LSAMP: variants seen among roughly 807,000 people sequenced by gnomAD.
LSAMP encodes the protein limbic system associated membrane protein.
Under a neutral mutation model 38.6 loss-of-function variants are expected in LSAMP, and 7 were observed. The ratio of observed to expected loss-of-function variants is 0.18; its 90% CI spans 0.10 to 0.34. The LOEUF is 0.34. LSAMP is among the 10% of genes least tolerant of loss of function. LSAMP has a pLI of 1.00. For synonymous variants in LSAMP, 154 were observed against 166.8 expected (o/e 0.92, Z 0.59); for missense variants, 313 against 420.0 (o/e 0.75, Z 2.23).
In LSAMP at chr3:116,113,415, TA is replaced by T. The variant is rs1559747944; in HGVS notation, c.156-26860del. On this transcript the variant is annotated intron_variant, in intron 1 of 6. Coordinates refer to ENST00000490035, the MANE Select transcript of LSAMP (RefSeq NM_002338.5). ...TATGTTTGCCCTATATATATATATA[TA>T]TATATTTTTTTTTTTTTTTTTTTTT... Among the ~76,000 whole-genome samples, 5 of 68,114 alleles carry T rather than the reference TA, an allele frequency of 7.3e-5. 1 individual carries two copies. The highest frequency in any genetic ancestry group is 3.2e-4 in the African/African-American group (5 of 15,562). The allele number at this position is 68,114 out of a possible 152,430, so 44.7% of individuals were successfully genotyped here.
intron 1 of LSAMP, among the ~76,000 whole-genome samples, chr3:116,190,697 C>G (rs1289232561): frequency 6.6e-6 from 1 of 152,160 alleles, no homozygotes; most frequent in Non-Finnish European, 1.5e-5. Context: ...GGGATCATAA[C>G]ATTTTGTTAA....
At chr3:116,378,517 A>T (rs1464456973) in intron 1 of LSAMP, among the ~76,000 whole-genome samples, 1 of 152,078 alleles carries the variant, frequency 6.6e-6, no homozygotes, top group African/African-American at 2.4e-5. Flanking sequence ...ACATTTTAGA[A>T]GTCATAAAGA....
intron 2 of LSAMP, among the ~76,000 whole-genome samples, chr3:116,085,962 G>A (rs1707979940): frequency 6.6e-6 from 1 of 152,186 alleles, no homozygotes; most frequent in African/African-American, 2.4e-5. Context: ...ACTCAGCAAA[G>A]CATCTGGTAC....
At chr3:115,900,834 A>G (rs570021091) in intron 3 of LSAMP, among the ~76,000 whole-genome samples, 151 of 152,338 alleles carry the variant, frequency 9.9e-4, no homozygotes, top group African/African-American at 3.5e-3. Flanking sequence ...TGGATTCTGC[A>G]TCAGGATGAA....
chr3:116,351,735 T>C (rs2048143211), intron 1 of LSAMP, among the ~76,000 whole-genome samples: 1 of 152,094 alleles, frequency 6.6e-6, no homozygotes, highest in Admixed American at 6.6e-5. Flanking sequence ...TGAAAGATTC[T>C]TTTGCTATCC....
At chr3:115,952,408 G>A (rs1167537495) in intron 3 of LSAMP, among the ~76,000 whole-genome samples, 2 of 152,182 alleles carry the variant, frequency 1.3e-5, no homozygotes, top group African/African-American at 2.4e-5. Context: ...TGAAATAATG[G>A]CATTTGTGGC....
At chr3:116,333,182 C>G (rs11924628) in intron 1 of LSAMP, among the ~76,000 whole-genome samples, 5,485 of 152,096 alleles carry the variant, frequency 0.036, 342 homozygotes, top group African/African-American at 0.12. Context: ...ATATATTCTT[C>G]TCAAGTACCC....
At chr3:116,424,848 T>C (rs992051967) in intron 1 of LSAMP, among the ~76,000 whole-genome samples, 9 of 152,292 alleles carry the variant, frequency 5.9e-5, no homozygotes, top group South Asian at 2.1e-4. Flanking sequence ...TTTATTATAA[T>C]TTCATTTATT....
intron 3 of LSAMP, among the ~76,000 whole-genome samples, chr3:115,989,502 T>C (rs1939607366): frequency 6.6e-6 from 1 of 152,102 alleles, no homozygotes. Flanking sequence ...TCTCTTTCCA[T>C]GTTCTCTTTG....
Position 116,328,177 on chromosome 3 carries a change from T to C in LSAMP, c.155+116700A>G, listed in dbSNP as rs529155089. Among the ~76,000 whole-genome samples the C allele has an allele frequency of 3.7e-4, 57 of 152,276 alleles. 2 individuals are homozygous for C. Among genetic ancestry groups the C allele is most frequent in the Admixed American group, 3.4e-3 (52 of 15,284 alleles). On this transcript the variant is annotated intron_variant, in intron 1 of 6. Coordinates refer to ENST00000490035, the MANE Select transcript of LSAMP (RefSeq NM_002338.5). ...ATGCAAGGAAAGTGATCTTCTCCCATAGTCAGTTGGGCAATAAAGCAACGC... is the reference window on the plus strand; with the variant it reads ...ATGCAAGGAAAGTGATCTTCTCCCACAGTCAGTTGGGCAATAAAGCAACGC...
At chr3:115,962,443 AG>A (rs1373769430) in intron 3 of LSAMP, among the ~76,000 whole-genome samples, 1 of 152,212 alleles carries the variant, frequency 6.6e-6, no homozygotes, top group Non-Finnish European at 1.5e-5. Flanking sequence ...CATAGTGAAG[AG>A]TGCTCTGACC....
At chr3:116,237,492 TG>T (rs2046480708) in intron 1 of LSAMP, among the ~76,000 whole-genome samples, 1 of 152,204 alleles carries the variant, frequency 6.6e-6, no homozygotes, top group African/African-American at 2.4e-5. Flanking sequence ...AAGTATGAAA[TG>T]GAACACCAGG....
intron 3 of LSAMP, among the ~76,000 whole-genome samples, chr3:115,904,445 G>A (rs1356591117): frequency 6.6e-6 from 1 of 151,920 alleles, no homozygotes; most frequent in Non-Finnish European, 1.5e-5. Flanking sequence ...TTATAGAAGA[G>A]TTCTACTCAA....
chr3:116,297,103 A>G (rs1392855222), intron 1 of LSAMP, among the ~76,000 whole-genome samples: 1 of 152,224 alleles, frequency 6.6e-6, no homozygotes, highest in Non-Finnish European at 1.5e-5. Context: ...GGAGTCTACA[A>G]ACAAAACAAA....
chr3:115,994,537 G>A lies in LSAMP; in HGVS notation c.514+24978C>T, dbSNP rs1006442833. On this transcript the variant is annotated intron_variant, in intron 3 of 6. Coordinates refer to ENST00000490035, the MANE Select transcript of LSAMP (RefSeq NM_002338.5). ...TCTTAGTCTTTGTAACTGATATAGT[G>A]TGCTGTTGAATAATCGCTAGGCTAG... Among the ~76,000 whole-genome samples, 23 of 152,146 alleles carry A rather than the reference G, an allele frequency of 1.5e-4. 1 individual carries two copies. The Middle Eastern group carries it at 0.01, about 68-fold the overall frequency.
At chr3:116,199,944 TAA>T (rs2045967161) in intron 1 of LSAMP, among the ~76,000 whole-genome samples, 4 of 152,070 alleles carry the variant, frequency 2.6e-5, no homozygotes, top group Admixed American at 2.0e-4. Flanking sequence ...GACAGAAACT[TAA>T]AAATGCTTGA....
intron 1 of LSAMP, among the ~76,000 whole-genome samples, chr3:116,259,783 TAAAAAAACAAAC>T (rs1234364275): frequency 6.6e-6 from 1 of 152,036 alleles, no homozygotes; most frequent in African/African-American, 2.4e-5. Flanking sequence ...AAGTCTCAAC[TAAAAAAACAAAC>T]AAAAAAACAA....
At chr3:115,876,592 C>T (rs1017072905) in intron 3 of LSAMP, among the ~76,000 whole-genome samples, 2 of 152,068 alleles carry the variant, frequency 1.3e-5, no homozygotes, top group Non-Finnish European at 2.9e-5. Flanking sequence ...GTCAACTCTG[C>T]CATCACAACC....
At chr3:116,176,689 C>G (rs933337722) in intron 1 of LSAMP, among the ~76,000 whole-genome samples, 20 of 152,084 alleles carry the variant, frequency 1.3e-4, no homozygotes, top group Non-Finnish European at 1.9e-4. Flanking sequence ...TATCTAATAT[C>G]TGGCACATGG....
Sources: gnomAD v4.1 joint callset for allele counts (sites outside exome capture counted in the v4.1 genomes callset) on GRCh38, gnomAD v4.1.1 for gene constraint, MANE v1.5 for transcripts, NCBI Gene and HGNC (gene_info 2026-07-23, HGNC 2026-07-21) for gene names.